Variants in SHISA9 observed in about 807,000 individuals in gnomAD.
SHISA9 encodes protein shisa-9.
A neutral mutation model predicts 38.0 loss-of-function variants in SHISA9; 13 were observed. The observed-to-expected ratio is 0.34, with a 90% CI of 0.22 to 0.54. SHISA9 has a LOEUF of 0.54. Among genes scored for constraint, SHISA9 ranks in the 20% least tolerant of loss-of-function variants. SHISA9 has a pLI of 0.91. For synonymous variants in SHISA9, 275 were observed against 242.0 expected (o/e 1.14, Z -1.27); for missense variants, 538 against 575.8 (o/e 0.93, Z 0.67).
At chr16:12,917,851 G>T (rs2071278644) in intron 2 of SHISA9, among the ~76,000 whole-genome samples, 1 of 152,110 alleles carries the variant, frequency 6.6e-6, no homozygotes, top group South Asian at 2.1e-4. Flanking sequence ...GAGTTGCCTG[G>T]GTGTTTTATT....
intron 2 of SHISA9, among the ~76,000 whole-genome samples, chr16:13,154,141 A>G (rs2050523010): frequency 6.6e-6 from 1 of 152,190 alleles, no homozygotes; most frequent in Admixed American, 6.5e-5. Flanking sequence ...ATCTCATTTA[A>G]TATTTATAAC....
intron 3 of SHISA9, among the ~76,000 whole-genome samples, chr16:13,205,742 A>G (rs1342295193): frequency 1.3e-5 from 2 of 151,968 alleles, no homozygotes; most frequent in Non-Finnish European, 2.9e-5. Context: ...GCATGCTCAG[A>G]TATCATAGGA....
intron 2 of SHISA9, among the ~76,000 whole-genome samples, chr16:13,128,932 A>G (rs2050284047): frequency 6.6e-6 from 1 of 152,182 alleles, no homozygotes; most frequent in Non-Finnish European, 1.5e-5. Flanking sequence ...CTCTGTGGGG[A>G]TAATAGAATT....
the SHISA9 span, among the ~76,000 whole-genome samples, chr16:13,476,346 C>T: frequency 1.3e-5 from 2 of 152,112 alleles, no homozygotes; most frequent in African/African-American, 4.8e-5. Context: ...CTATATAAAC[C>T]CCTAATTTTA....
Position 12,901,953 on chromosome 16 carries a change from G to T in SHISA9, c.-112G>T. 2 of 894,326 alleles carry T rather than the reference G, an allele frequency of 2.2e-6. No homozygotes were observed. Among genetic ancestry groups the T allele is most frequent in the Non-Finnish European group, 3.0e-6 (2 of 672,734 alleles). 55.4% of individuals were successfully genotyped at this position (894,326 alleles called of 1,614,324 possible). A position where few individuals can be genotyped will look rare whatever the true frequency, so the allele number is the denominator to read the frequency against. The stretch of plus-strand genomic sequence containing the variant: ...GCGCCGCTCCCTGCATGTGCGGCCC[G>T]CGGCGGCTCGCAGCTCCCGGCAGCA... On this transcript the variant is annotated 5_prime_UTR_variant, in exon 1 of 5. Transcript: ENST00000558583.
intron 2 of SHISA9, among the ~76,000 whole-genome samples, chr16:12,969,770 T>C (rs1331333909): frequency 6.6e-6 from 1 of 152,034 alleles, no homozygotes; most frequent in Admixed American, 6.6e-5. Flanking sequence ...CCAAAAAAAA[T>C]GTTCTTCAGT....
chr16:13,337,869 G>A, the SHISA9 span, among the ~76,000 whole-genome samples: 2 of 152,072 alleles, frequency 1.3e-5, no homozygotes, highest in African/African-American at 4.8e-5. Flanking sequence ...GCCATGTAAA[G>A]ATGTGCCTGC....
At chr16:13,025,060 T>C (rs2072904137) in intron 2 of SHISA9, among the ~76,000 whole-genome samples, 1 of 152,188 alleles carries the variant, frequency 6.6e-6, no homozygotes, top group African/African-American at 2.4e-5. Flanking sequence ...TAACATCATT[T>C]CCTCTTGGAT....
intron 2 of SHISA9, among the ~76,000 whole-genome samples, chr16:12,996,930 A>G (rs1193534850): frequency 6.6e-6 from 1 of 152,354 alleles, no homozygotes; most frequent in East Asian, 1.9e-4. Flanking sequence ...AGCTTGCATG[A>G]AATTCACTTC....
intron 1 of SHISA9, among the ~76,000 whole-genome samples, chr16:12,904,657 G>C (rs988841931): frequency 1.3e-5 from 2 of 152,166 alleles, no homozygotes; most frequent in Non-Finnish European, 2.9e-5. Context: ...GGTCCTCCCA[G>C]TATACATTTT....
the SHISA9 span, among the ~76,000 whole-genome samples, chr16:13,388,240 T>G: frequency 6.6e-6 from 1 of 151,972 alleles, no homozygotes; most frequent in East Asian, 1.9e-4. Context: ...TGAATGGGAA[T>G]GATTTTCATG....
chr16:13,521,444 A>G, the SHISA9 span, among the ~76,000 whole-genome samples: 5 of 152,226 alleles, frequency 3.3e-5, no homozygotes, highest in Admixed American at 6.5e-5. Flanking sequence ...TATTTACACA[A>G]TTGACTCTGC....
chr16:13,042,465 G>A, intron 2 of SHISA9, among the ~76,000 whole-genome samples: 1 of 152,314 alleles, frequency 6.6e-6, no homozygotes, highest in Non-Finnish European at 1.5e-5. Context: ...CTCTTTGTAA[G>A]TATTTTACCA....
intron 2 of SHISA9, among the ~76,000 whole-genome samples, chr16:13,163,872 G>GT (rs201873967): frequency 0.01 from 1,521 of 151,262 alleles, 11 homozygotes; most frequent in African/African-American, 0.028. Context: ...AGTTGTAATA[G>GT]TTTTTTTTTA....
At chr16:13,539,924 A>T in the SHISA9 span, among the ~76,000 whole-genome samples, 27 of 86,702 alleles carry the variant, frequency 3.1e-4, 1 homozygote, top group Non-Finnish European at 6.1e-4. Flanking sequence ...AAAGAACATG[A>T]TCCTACTCTT....
chr16:13,494,113 A>C, the SHISA9 span, among the ~76,000 whole-genome samples: 1 of 152,240 alleles, frequency 6.6e-6, no homozygotes, highest in Non-Finnish European at 1.5e-5. Flanking sequence ...TGGTAGGAAC[A>C]GTGTACTCTG....
the SHISA9 span, among the ~76,000 whole-genome samples, chr16:13,488,919 G>A: frequency 3.3e-5 from 5 of 151,974 alleles, no homozygotes; most frequent in African/African-American, 9.7e-5. Context: ...CTGCCACCGC[G>A]CCTGCCACCA....
chr16:12,990,685 C>T (rs1252606646), intron 2 of SHISA9, among the ~76,000 whole-genome samples: 2 of 152,130 alleles, frequency 1.3e-5, no homozygotes, highest in Non-Finnish European at 2.9e-5. Context: ...GTGCTATTGG[C>T]ATCTAGTGAG....
intron 2 of SHISA9, among the ~76,000 whole-genome samples, chr16:13,161,815 C>G (rs572521241): frequency 2.6e-5 from 4 of 151,734 alleles, no homozygotes; most frequent in Non-Finnish European, 5.9e-5. Flanking sequence ...TTTTTTTCCT[C>G]TATCGGTGCT....
Sources: gnomAD v4.1 joint callset for allele counts (sites outside exome capture counted in the v4.1 genomes callset) on GRCh38, gnomAD v4.1.1 for gene constraint, MANE v1.5 for transcripts, NCBI Gene and HGNC (gene_info 2026-07-23, HGNC 2026-07-21) for gene names.